The following BCAS3 variants were observed in gnomAD, a reference collection of about 807,000 sequenced individuals.
BCAS3 encodes the protein BCAS3 microtubule associated cell migration factor, also known as BCAS4/BCAS3 fusion.
Under a neutral mutation model 116.1 loss-of-function variants are expected in BCAS3, and 53 were observed. That is an observed-to-expected ratio of 0.46 (90% CI 0.37 to 0.57). The LOEUF (loss-of-function observed/expected upper bound fraction) is 0.57, where lower values mean the gene tolerates loss of function less well. BCAS3 is among the 20% of genes least tolerant of loss of function. The pLI is 0.00. For synonymous variants in BCAS3, 391 were observed against 408.2 expected (o/e 0.96, Z 0.51); for missense variants, 917 against 1,165.4 (o/e 0.79, Z 3.10).
intron 6 of BCAS3, among the ~76,000 whole-genome samples, chr17:60,804,265 A>T (rs1372860546): frequency 6.7e-6 from 1 of 150,162 alleles, no homozygotes; most frequent in African/African-American, 2.4e-5. Flanking sequence ...GGTGGATCAT[A>T]AGGTCAGGAG....
intron 6 of BCAS3, among the ~76,000 whole-genome samples, chr17:60,793,874 G>A (rs1416435303): frequency 6.6e-6 from 1 of 152,194 alleles, no homozygotes; most frequent in African/African-American, 2.4e-5. Flanking sequence ...AAACATGTGT[G>A]TGTAAGTATC....
At chr17:60,887,032 C>G (rs1418236057) in intron 9 of BCAS3, 2 of 156,130 alleles carry the variant, frequency 1.3e-5, no homozygotes, top group Non-Finnish European at 1.4e-5. Flanking sequence ...TGGCGGGCGC[C>G]CCTCCCCCAG....
Position 61,361,241 on chromosome 17 carries a change from G to T in BCAS3, c.2426-7086G>T, listed in dbSNP as rs1324699851. Among the ~76,000 whole-genome samples, 3 of 151,610 alleles carry T rather than the reference G, an allele frequency of 2.0e-5. No homozygotes were observed. The highest frequency in any genetic ancestry group is 2.0e-4 in the Admixed American group (3 of 15,232). Reference sequence around the variant, plus strand: ...CAGACGGAGTAGCAACTTGCCCAGAGTAACCAGAAAAGTTAATGGGAGAAT... The same window carrying T: ...CAGACGGAGTAGCAACTTGCCCAGATTAACCAGAAAAGTTAATGGGAGAAT... On this transcript the variant is annotated intron_variant, in intron 22 of 23. Transcript: ENST00000407086. The surrounding 1 kb of genome is among the most constrained non-coding windows in gnomAD (Gnocchi z 6.5).
chr17:61,308,682 A>G (rs1324604637), intron 22 of BCAS3, among the ~76,000 whole-genome samples: 2 of 152,094 alleles, frequency 1.3e-5, no homozygotes, highest in Non-Finnish European at 2.9e-5. Flanking sequence ...ATTAAGTTGC[A>G]TTGGTTAAGA....
chr17:60,713,375 A>T (rs1436267652), intron 5 of BCAS3, among the ~76,000 whole-genome samples: 1 of 152,180 alleles, frequency 6.6e-6, no homozygotes, highest in Non-Finnish European at 1.5e-5. Flanking sequence ...ACCATTATTC[A>T]TTACATGAGC....
At chr17:61,025,602 G>A (rs1433144451) in intron 16 of BCAS3, among the ~76,000 whole-genome samples, 1 of 152,054 alleles carries the variant, frequency 6.6e-6, no homozygotes, top group Non-Finnish European at 1.5e-5. Flanking sequence ...AGTCAAAAAA[G>A]TTTAAAATCT....
intron 22 of BCAS3, among the ~76,000 whole-genome samples, chr17:61,197,152 AG>A (rs2080528590): frequency 6.6e-6 from 1 of 152,244 alleles, no homozygotes; most frequent in Admixed American, 6.5e-5. Context: ...ATGCTTCAAG[AG>A]GCAAAGGTGA....
chr17:61,306,075 G>A (rs1316096131), intron 22 of BCAS3, among the ~76,000 whole-genome samples: 3 of 152,162 alleles, frequency 2.0e-5, no homozygotes, highest in Non-Finnish European at 4.4e-5. Flanking sequence ...TCTGACTTAG[G>A]AAGCCTCAAA....
At position 61,381,411 on chromosome 17, in the gene BCAS3, T is replaced by C. The variant is rs2059598017; in HGVS notation, c.2594-10566T>C. ...GGGCGGCGGCACCACCACAATTAGC[T>C]GAGACTGTGATCCTTTCCCAGCCGC... On this transcript the variant is annotated intron_variant, in intron 23 of 23. Transcript: ENST00000407086. The surrounding 1 kb of genome is among the most constrained non-coding windows in gnomAD (Gnocchi z 6.0). 6.6e-6 allele frequency among the ~76,000 whole-genome samples: 1 copy of C among 152,068 alleles called. No individual in the cohort carries two copies. Among genetic ancestry groups the C allele is most frequent in the Admixed American group, 6.5e-5 (1 of 15,280 alleles).
Position 60,926,863 on chromosome 17 carries a change from A to G in BCAS3, c.1087+2363A>G, listed in dbSNP as rs552844680. On this transcript the variant is annotated intron_variant, in intron 13 of 23. Coordinates refer to ENST00000407086, the MANE Select transcript of BCAS3 (RefSeq NM_017679.5). Reference sequence around the variant, plus strand: ...AATTTTGATCTACATTTGCCATTTGATTTCTTTGTCCTCTCACATTTGTGT... The same window carrying G: ...AATTTTGATCTACATTTGCCATTTGGTTTCTTTGTCCTCTCACATTTGTGT... 8.5e-5 allele frequency among the ~76,000 whole-genome samples: 13 copies of G among 152,288 alleles called. No homozygotes were observed. In the East Asian group the frequency reaches 1.9e-3, roughly 23 times the overall value.
At chr17:61,272,094 G>A (rs1021899155) in intron 22 of BCAS3, among the ~76,000 whole-genome samples, 3 of 152,128 alleles carry the variant, frequency 2.0e-5, no homozygotes, top group Non-Finnish European at 4.4e-5. Flanking sequence ...AGAGATGTAA[G>A]CCATCATGCC....
chr17:60,963,985 G>C (rs1158506389), intron 14 of BCAS3, among the ~76,000 whole-genome samples: 1 of 152,154 alleles, frequency 6.6e-6, no homozygotes, highest in South Asian at 2.1e-4. Context: ...TGCAAACAAG[G>C]CTGATTTGAA....
intron 22 of BCAS3, among the ~76,000 whole-genome samples, chr17:61,146,439 G>C (rs565755636): frequency 6.6e-6 from 1 of 152,122 alleles, no homozygotes; most frequent in East Asian, 1.9e-4. Flanking sequence ...TCGCTTACTT[G>C]TGTACCAGTT....
chr17:60,865,515 AC>A (rs1423966630), intron 7 of BCAS3, among the ~76,000 whole-genome samples: 1 of 152,212 alleles, frequency 6.6e-6, no homozygotes, highest in East Asian at 1.9e-4. Context: ...TGTTAGACTT[AC>A]ATAGAATTAT....
rs1401538530 is a variant in BCAS3, at chr17:61,300,771, A to G, written c.2426-67556A>G. Among the ~76,000 whole-genome samples, 3 of 152,146 alleles carry G rather than the reference A, an allele frequency of 2.0e-5. No individual in the cohort carries two copies. The highest frequency in any genetic ancestry group is 7.2e-5 in the African/African-American group (3 of 41,430). ...TTTATTTCATATCTGATTAGCTTCA[A>G]TTGACAATGTTTTCTACACTCTGAT... On this transcript the variant is annotated intron_variant, in intron 22 of 23. Coordinates refer to ENST00000407086, the MANE Select transcript of BCAS3 (RefSeq NM_017679.5). The surrounding 1 kb of genome is among the most constrained non-coding windows in gnomAD (Gnocchi z 5.1).
At chr17:61,277,580 T>G (rs1291959332) in intron 22 of BCAS3, among the ~76,000 whole-genome samples, 1 of 151,906 alleles carries the variant, frequency 6.6e-6, no homozygotes, top group East Asian at 1.9e-4. Context: ...GGGAGAAAAT[T>G]TTTGCAAATC....
chr17:60,892,316 T>TTA (rs961122261), intron 10 of BCAS3, among the ~76,000 whole-genome samples: 1 of 151,212 alleles, frequency 6.6e-6, no homozygotes, highest in African/African-American at 2.4e-5. Flanking sequence ...TGACTTATTT[T>TTA]TTTTTTTTTT....
chr17:61,299,879 A>T (rs1317267911), intron 22 of BCAS3, among the ~76,000 whole-genome samples: 3 of 152,188 alleles, frequency 2.0e-5, no homozygotes, highest in Non-Finnish European at 4.4e-5. Flanking sequence ...TTCTATTATG[A>T]CAGGTTTTAA....
chr17:61,329,340 A>ATTTTTTT (rs199612323), intron 22 of BCAS3, among the ~76,000 whole-genome samples: 6 of 109,414 alleles, frequency 5.5e-5, no homozygotes, highest in East Asian at 3.3e-4. Flanking sequence ...TATTATTATT[A>ATTTTTTT]TTATTTTTTT....
Sources: gnomAD v4.1 joint callset for allele counts (sites outside exome capture counted in the v4.1 genomes callset) on GRCh38, gnomAD v4.1.1 for gene constraint, Gnocchi (gnomAD v3.1) non-coding constraint, MANE v1.5 for transcripts, NCBI Gene and HGNC (gene_info 2026-07-23, HGNC 2026-07-21) for gene names.